PHACTR1: variants seen among roughly 807,000 people sequenced by gnomAD.
PHACTR1 encodes phosphatase and actin regulator 1.
A neutral mutation model predicts 69.2 loss-of-function variants in PHACTR1; 16 were observed. That is an observed-to-expected ratio of 0.23 (90% confidence interval 0.16 to 0.35). PHACTR1 has a LOEUF of 0.35. Among genes scored for constraint, PHACTR1 ranks in the 10% least tolerant of loss-of-function variants. The probability of loss-of-function intolerance (pLI) is 1.00; values close to 1 mark genes in which losing one functional copy is unlikely to be tolerated. For synonymous variants in PHACTR1, 312 were observed against 284.5 expected (o/e 1.10, Z -0.97); for missense variants, 510 against 734.7 (o/e 0.69, Z 3.54).
intron 4 of PHACTR1, among the ~76,000 whole-genome samples, chr6:12,853,147 A>G (rs1262495418): frequency 6.6e-6 from 1 of 152,240 alleles, no homozygotes; most frequent in Non-Finnish European, 1.5e-5. Flanking sequence ...TTAAGTACCA[A>G]CTGTCAAGAA....
At chr6:13,044,179 T>G (rs1025804040) in intron 4 of PHACTR1, among the ~76,000 whole-genome samples, 6 of 152,166 alleles carry the variant, frequency 3.9e-5, no homozygotes, top group Admixed American at 6.5e-5. Flanking sequence ...ATGTGCTCTC[T>G]TCATTGCCCT....
chr6:12,953,535 A>G (rs9473078), intron 4 of PHACTR1, among the ~76,000 whole-genome samples: 2,238 of 152,330 alleles, frequency 0.015, 47 homozygotes, highest in African/African-American at 0.051. Flanking sequence ...TGGAGACACA[A>G]CTACACATCA....
intron 4 of PHACTR1, among the ~76,000 whole-genome samples, chr6:12,770,111 C>T (rs150820327): frequency 1.2e-3 from 176 of 152,360 alleles, no homozygotes; most frequent in African/African-American, 4.0e-3. Context: ...TCCTCTTGCC[C>T]TTTCCTTTGG....
intron 14 of PHACTR1, 69 bp downstream of exon 14, chr6:13,286,291 C>T: frequency 1.5e-6 from 2 of 1,317,234 alleles, no homozygotes; most frequent in South Asian, 1.4e-5. Flanking sequence ...AAATAAAGCT[C>T]TCCCACTTGT....
At chr6:12,966,798 C>G (rs958980021) in intron 4 of PHACTR1, among the ~76,000 whole-genome samples, 1 of 152,036 alleles carries the variant, frequency 6.6e-6, no homozygotes, top group African/African-American at 2.4e-5. Flanking sequence ...TTCAGTGTTT[C>G]CTAGAATATA....
chr6:12,759,763 C>G (rs570663101), intron 4 of PHACTR1, among the ~76,000 whole-genome samples: 1 of 152,248 alleles, frequency 6.6e-6, no homozygotes, highest in East Asian at 1.9e-4. Flanking sequence ...GCAAAAGGAC[C>G]TAGGACCATG....
At chr6:13,123,641 G>A (rs910404514) in intron 5 of PHACTR1, among the ~76,000 whole-genome samples, 4 of 152,186 alleles carry the variant, frequency 2.6e-5, no homozygotes, top group African/African-American at 9.7e-5. Context: ...GTGTTTTGTT[G>A]TTGTTGTGAA....
chr6:12,915,507 AAAAAAAAAAAAAAG>A (rs1346842681), intron 4 of PHACTR1, among the ~76,000 whole-genome samples: 9 of 132,308 alleles, frequency 6.8e-5, no homozygotes, highest in African/African-American at 1.1e-4. Flanking sequence ...ACTCTCTCTC[AAAAAAAAAAAAAAG>A]AAAAAAAAAA....
intron 4 of PHACTR1, among the ~76,000 whole-genome samples, chr6:12,947,175 A>G (rs1790773591): frequency 6.6e-6 from 1 of 151,998 alleles, no homozygotes; most frequent in Admixed American, 6.6e-5. Flanking sequence ...TCCAACTTCT[A>G]GATTAAAAAA....
chr6:12,753,604 TTTAAA>T (rs1354663085), intron 4 of PHACTR1, among the ~76,000 whole-genome samples: 1 of 152,132 alleles, frequency 6.6e-6, no homozygotes, highest in Non-Finnish European at 1.5e-5. Context: ...TGGGGGAGAA[TTTAAA>T]TTAACAGTAT....
chr6:12,976,285 G>A (rs1355056128), intron 4 of PHACTR1, among the ~76,000 whole-genome samples: 1 of 152,184 alleles, frequency 6.6e-6, no homozygotes. Flanking sequence ...AACTCCTTTA[G>A]GAAACAATCA....
At chr6:13,033,386 T>C (rs1802765608) in intron 4 of PHACTR1, among the ~76,000 whole-genome samples, 1 of 152,214 alleles carries the variant, frequency 6.6e-6, no homozygotes, top group African/African-American at 2.4e-5. Flanking sequence ...ACACTTGTCA[T>C]ATTCTAGCTA....
chr6:12,785,182 G>C lies in PHACTR1; in HGVS notation c.250+35392G>C, dbSNP rs576073964. ...AGTGTATAGTCTAAGAAGAAATGTA[G>C]AACATACCTATGTGAAAAATGCAAT... On this transcript the variant is annotated intron_variant, in intron 4 of 14. Transcript: ENST00000332995. 7.1e-4 allele frequency among the ~76,000 whole-genome samples: 108 copies of C among 152,184 alleles called. 3 individuals carry two copies. The highest frequency in any genetic ancestry group is 7.1e-3 in the Admixed American group (108 of 15,280).
intron 8 of PHACTR1, among the ~76,000 whole-genome samples, chr6:13,223,216 C>CA (rs1430990915): frequency 6.6e-6 from 1 of 151,968 alleles, no homozygotes; most frequent in Admixed American, 6.6e-5. Context: ...ATGCCATACA[C>CA]AAAAAAGATT....
intron 4 of PHACTR1, among the ~76,000 whole-genome samples, chr6:13,034,790 A>C (rs1426272050): frequency 6.6e-6 from 1 of 152,250 alleles, no homozygotes; most frequent in Non-Finnish European, 1.5e-5. Context: ...TATAAGTATC[A>C]AAGTGAACAA....
intron 5 of PHACTR1, among the ~76,000 whole-genome samples, chr6:13,086,454 T>C (rs1013700763): frequency 6.6e-6 from 1 of 152,136 alleles, no homozygotes; most frequent in Non-Finnish European, 1.5e-5. Flanking sequence ...CAGAACAGTT[T>C]TGTTGCCCTA....
chr6:13,284,543 A>AAAAAAAAT (rs1554187813), intron 13 of PHACTR1, among the ~76,000 whole-genome samples: 1 of 61,346 alleles, frequency 1.6e-5, no homozygotes, highest in African/African-American at 1.1e-4. Flanking sequence ...AAAAAAAAAA[A>AAAAAAAAT]ATATATATAT....
At position 12,842,797 on chromosome 6, in the gene PHACTR1, G is replaced by A. The variant is rs573161374; in HGVS notation, c.250+93007G>A. Among the ~76,000 whole-genome samples the A allele has an allele frequency of 2.6e-5, 4 of 152,038 alleles. No individual in the cohort carries two copies. The East Asian group carries it at 7.7e-4, about 29-fold the overall frequency. On this transcript the variant is annotated intron_variant, in intron 4 of 14. Coordinates refer to ENST00000332995, the MANE Select transcript of PHACTR1 (RefSeq NM_030948.6). ...TTGGCCTTAAGCAATCCCATGCCTC[G>A]GCCTTCCAAAGTGCTGAGATTACAG... is the stretch of plus-strand genomic sequence containing the variant.
intron 4 of PHACTR1, among the ~76,000 whole-genome samples, chr6:12,848,331 A>G (rs919450903): frequency 6.6e-6 from 1 of 152,222 alleles, no homozygotes; most frequent in Non-Finnish European, 1.5e-5. Flanking sequence ...GTGCATATAC[A>G]TATGTTAAAC....
Sources: gnomAD v4.1 joint callset for allele counts (sites outside exome capture counted in the v4.1 genomes callset) on GRCh38, gnomAD v4.1.1 for gene constraint, MANE v1.5 for transcripts, NCBI Gene and HGNC (gene_info 2026-07-23, HGNC 2026-07-21) for gene names.